Variants in MORC1 observed in about 807,000 individuals in gnomAD.
The protein encoded by MORC1 is MORC family CW-type zinc finger protein 1.
Under a neutral mutation model 134.9 loss-of-function variants are expected in MORC1, and 59 were observed. The observed-to-expected ratio is 0.44, with a 90% CI of 0.35 to 0.54. The LOEUF (loss-of-function observed/expected upper bound fraction) is 0.54, where lower values mean the gene tolerates loss of function less well. Among genes scored for constraint, MORC1 ranks in the 20% least tolerant of loss-of-function variants. MORC1 has a pLI of 0.00. For missense variants in MORC1, 947 were observed against 1,134.5 expected, an observed-to-expected ratio of 0.83 and a Z score of 2.37; for synonymous variants, 395 against 391.7, an observed-to-expected ratio of 1.01 and a Z score of -0.10.
At chr3:109,088,809 G>A (rs1456400375) in intron 8 of MORC1, among the ~76,000 whole-genome samples, 1 of 152,046 alleles carries the variant, frequency 6.6e-6, no homozygotes, top group Non-Finnish European at 1.5e-5. Flanking sequence ...GCAAAGATAT[G>A]GAACCTAAAT....
intron 14 of MORC1, among the ~76,000 whole-genome samples, chr3:109,043,192 G>T (rs1367036000): frequency 7.9e-6 from 1 of 126,298 alleles, no homozygotes; most frequent in Non-Finnish European, 1.7e-5. Flanking sequence ...AAAATGTGGG[G>T]GGGGGGGGGT....
chr3:108,998,464 C>A (rs1948300068), intron 21 of MORC1, among the ~76,000 whole-genome samples: 1 of 152,084 alleles, frequency 6.6e-6, no homozygotes, highest in South Asian at 2.1e-4. Flanking sequence ...GGGAGGGAGT[C>A]TTTTGTGGTA....
chr3:109,062,401 G>C (rs190247697), intron 10 of MORC1, among the ~76,000 whole-genome samples: 16 of 151,982 alleles, frequency 1.1e-4, no homozygotes, highest in African/African-American at 3.9e-4. Context: ...AGTAGGAGGA[G>C]TGAATATGTA....
intron 8 of MORC1, among the ~76,000 whole-genome samples, chr3:109,075,350 T>A (rs983695070): frequency 2.0e-5 from 3 of 152,174 alleles, no homozygotes; most frequent in African/African-American, 7.2e-5. Flanking sequence ...CAATGGGAAT[T>A]ATTAAAAGTT....
intron 6 of MORC1, among the ~76,000 whole-genome samples, chr3:109,097,723 A>T (rs1406799582): frequency 6.6e-6 from 1 of 152,234 alleles, no homozygotes; most frequent in Admixed American, 6.5e-5. Context: ...ATATTCAGTG[A>T]CAGTAATACA....
chr3:109,003,289 A>C (rs910230540), intron 20 of MORC1, among the ~76,000 whole-genome samples: 3 of 151,842 alleles, frequency 2.0e-5, no homozygotes, highest in African/African-American at 7.3e-5. Context: ...ACACACAGAC[A>C]CATCTATGTT....
At chr3:109,022,052 C>A (rs1414731182) in intron 17 of MORC1, among the ~76,000 whole-genome samples, 1 of 152,144 alleles carries the variant, frequency 6.6e-6, no homozygotes, top group East Asian at 1.9e-4. Flanking sequence ...CAATACATCA[C>A]CATAGAGAAA....
At position 109,063,142 on chromosome 3, in the gene MORC1, A is replaced by T. The variant is rs1950120330; in HGVS notation, c.895+10T>A. ...AACAACAATGATGTAGGCTACAGGT[A>T]ATCGCATACCAATCTTTACTGCTTC... On this transcript the variant is annotated intron_variant, in intron 10 of 27. Coordinates refer to ENST00000232603, the MANE Select transcript of MORC1 (RefSeq NM_014429.4). The T allele has an allele frequency of 6.4e-7, 1 of 1,571,324 alleles. No homozygotes were observed. Among genetic ancestry groups the T allele is most frequent in the Non-Finnish European group, 8.7e-7 (1 of 1,143,858 alleles).
chr3:109,094,256 T>C (rs191824638), intron 7 of MORC1, among the ~76,000 whole-genome samples: 17 of 152,322 alleles, frequency 1.1e-4, no homozygotes, highest in Middle Eastern at 6.8e-3. Context: ...CAGTTGATTA[T>C]GATACAAAGT....
chr3:109,011,429 T>C (rs1479389966), intron 17 of MORC1, among the ~76,000 whole-genome samples: 19 of 152,226 alleles, frequency 1.2e-4, no homozygotes, highest in Non-Finnish European at 2.9e-5. Flanking sequence ...CATGTGTTTA[T>C]TGGCTATCTG....
intron 14 of MORC1, among the ~76,000 whole-genome samples, chr3:109,039,146 C>T (rs190772195): frequency 1.3e-5 from 2 of 152,220 alleles, no homozygotes; most frequent in South Asian, 2.1e-4. Context: ...GAACTCCTGA[C>T]CTGAAGTGAT....
At chr3:109,035,527 T>A (rs3762695) in intron 14 of MORC1, 59 bp from the exon 15 acceptor site, 16 of 1,136,498 alleles carry the variant, frequency 1.4e-5, no homozygotes, top group Non-Finnish European at 2.0e-5. Context: ...ATCAAAACAA[T>A]TGGCAAAGGG....
At chr3:109,016,232 A>G (rs1388585829) in intron 17 of MORC1, among the ~76,000 whole-genome samples, 13 of 152,060 alleles carry the variant, frequency 8.5e-5, no homozygotes, top group Admixed American at 8.5e-4. Context: ...ACTATATATA[A>G]CCACTGAATC....
At chr3:109,112,122 G>T (rs901945399) in intron 2 of MORC1, among the ~76,000 whole-genome samples, 2 of 152,152 alleles carry the variant, frequency 1.3e-5, no homozygotes, top group African/African-American at 4.8e-5. Flanking sequence ...TTTTAAAGAG[G>T]TAGTTTTTTC....
intron 9 of MORC1, among the ~76,000 whole-genome samples, chr3:109,065,315 G>T: frequency 6.6e-6 from 1 of 152,086 alleles, no homozygotes. Context: ...AATCTACTTC[G>T]ATCTGTTTTC....
At chr3:109,105,957 C>T (rs1024737897) in intron 3 of MORC1, among the ~76,000 whole-genome samples, 1 of 152,142 alleles carries the variant, frequency 6.6e-6, no homozygotes, top group Non-Finnish European at 1.5e-5. Context: ...CTCCTCTCCC[C>T]CTTTAAAGTA....
chr3:109,016,906 C>T (rs1281069510), intron 17 of MORC1, among the ~76,000 whole-genome samples: 2 of 152,026 alleles, frequency 1.3e-5, no homozygotes, highest in Non-Finnish European at 2.9e-5. Flanking sequence ...GAAAAGGTCC[C>T]ATCACACCTG....
At chr3:109,054,949 GTCATTTGAAA>G (rs1949922448) in intron 13 of MORC1, 67 bp from the exon 14 acceptor site, 3 of 1,374,518 alleles carry the variant, frequency 2.2e-6, no homozygotes, top group East Asian at 2.5e-5. Context: ...ATATATTCTG[GTCATTTGAAA>G]TCATTTTTTT....
At chr3:108,992,826 A>G (rs1948103692) in intron 21 of MORC1, among the ~76,000 whole-genome samples, 1 of 152,062 alleles carries the variant, frequency 6.6e-6, no homozygotes, top group Non-Finnish European at 1.5e-5. Context: ...CTCACTCTTT[A>G]AGCTCTCTTT....
Sources: allele counts gnomAD v4.1 joint callset (sites outside exome capture counted in the v4.1 genomes callset), GRCh38; gene constraint gnomAD v4.1.1; transcripts MANE v1.5; gene names NCBI Gene and HGNC (gene_info 2026-07-23, HGNC 2026-07-21).